Variants in SGCD observed in about 807,000 individuals in gnomAD.
The protein encoded by SGCD is delta-sarcoglycan.
In SGCD, 18 loss-of-function variants were observed where a neutral mutation model predicts 36.6. The observed-to-expected ratio is 0.49, with a 90% confidence interval of 0.34 to 0.73. The LOEUF is 0.73. Among genes scored for constraint, SGCD ranks in the 30% least tolerant of loss-of-function variants. SGCD has a pLI of 0.01. For missense variants in SGCD, 387 were observed against 346.7 expected (o/e 1.12, Z -0.92); for synonymous variants, 133 against 130.6 (o/e 1.02, Z -0.12).
chr5:156,249,237 A>G (rs1438028813), intron 3 of SGCD, among the ~76,000 whole-genome samples: 1 of 152,208 alleles, frequency 6.6e-6, no homozygotes, highest in African/African-American at 2.4e-5. Flanking sequence ...CAAACTTGTC[A>G]TGGTGAGAAG....
At chr5:156,741,828 C>A (rs1008723826) in intron 7 of SGCD, among the ~76,000 whole-genome samples, 2 of 151,852 alleles carry the variant, frequency 1.3e-5, no homozygotes, top group African/African-American at 4.8e-5. Flanking sequence ...CAAAAAGAGA[C>A]AGTGAGACAG....
chr5:155,747,798 A>G, the SGCD span, among the ~76,000 whole-genome samples: 1 of 152,282 alleles, frequency 6.6e-6, no homozygotes, highest in East Asian at 1.9e-4. Context: ...TGTCTTGGCC[A>G]AATGGCACCA....
At chr5:156,428,244 A>C (rs534510032) in intron 3 of SGCD, among the ~76,000 whole-genome samples, 86 of 152,198 alleles carry the variant, frequency 5.7e-4, no homozygotes, top group Admixed American at 1.5e-3. Flanking sequence ...AAGGGTATCT[A>C]ATTCTTCCTG....
At chr5:156,258,010 A>G (rs977605175) in intron 3 of SGCD, among the ~76,000 whole-genome samples, 6 of 152,192 alleles carry the variant, frequency 3.9e-5, no homozygotes, top group Admixed American at 6.5e-5. Context: ...AAGCTGAACC[A>G]GCTGGTTTTT....
the SGCD span, among the ~76,000 whole-genome samples, chr5:155,733,972 G>T: frequency 2.2e-4 from 33 of 151,576 alleles, no homozygotes; most frequent in Non-Finnish European, 1.8e-4. Context: ...TTTGCTATGT[G>T]CCAGGTTCCA....
intron 3 of SGCD, among the ~76,000 whole-genome samples, chr5:156,245,137 A>G (rs975551628): frequency 1.9e-4 from 29 of 152,196 alleles, no homozygotes; most frequent in Admixed American, 1.9e-3. Flanking sequence ...TTTAAATTAC[A>G]GAAAAAAGGA....
chr5:155,840,594 G>GTA, the SGCD span, among the ~76,000 whole-genome samples: 1 of 150,616 alleles, frequency 6.6e-6, no homozygotes, highest in East Asian at 2.0e-4. Flanking sequence ...CGGCTTGTGT[G>GTA]TGTGTGTGTG....
intron 4 of SGCD, among the ~76,000 whole-genome samples, chr5:156,567,252 C>A (rs1393936487): frequency 6.6e-6 from 1 of 150,606 alleles, no homozygotes; most frequent in Non-Finnish European, 1.5e-5. Context: ...AGTTAGTATT[C>A]TCCAGAGAAA....
At chr5:155,823,920 G>A in the SGCD span, among the ~76,000 whole-genome samples, 1 of 152,084 alleles carries the variant, frequency 6.6e-6, no homozygotes, top group Non-Finnish European at 1.5e-5. Flanking sequence ...TACCGCATGA[G>A]GACAGCTGGA....
At chr5:156,544,771 TAGTC>T (rs1758495188) in intron 4 of SGCD, among the ~76,000 whole-genome samples, 1 of 152,220 alleles carries the variant, frequency 6.6e-6, no homozygotes, top group Non-Finnish European at 1.5e-5. Flanking sequence ...GTAGCAATAA[TAGTC>T]ATTACTATTA....
chr5:155,731,878 C>T, the SGCD span, among the ~76,000 whole-genome samples: 2 of 152,176 alleles, frequency 1.3e-5, no homozygotes, highest in Non-Finnish European at 2.9e-5. Context: ...CTTTGATACA[C>T]GTGGTGTAGA....
the SGCD span, among the ~76,000 whole-genome samples, chr5:155,798,871 A>G: frequency 6.6e-6 from 1 of 152,316 alleles, no homozygotes; most frequent in South Asian, 2.1e-4. Flanking sequence ...ACTATGATAC[A>G]TATGTTCGTT....
Position 156,549,987 on chromosome 5 carries a change from C to T in SGCD, c.295-39244C>T, listed in dbSNP as rs138133909. Among the ~76,000 whole-genome samples the T allele has an allele frequency of 3.1e-3, 477 of 152,260 alleles. 3 individuals carry two copies. The highest frequency in any genetic ancestry group is 0.011 in the African/African-American group (457 of 41,540). On this transcript the variant is annotated intron_variant, in intron 4 of 8. Coordinates refer to ENST00000337851, the MANE Select transcript of SGCD (RefSeq NM_000337.6). ...GTATGGCTTTGCATACATAAACCCA[C>T]CCTGTTTTCATGTAAAGTGCCATGA...
At chr5:156,329,937 A>C (rs1443222715) in intron 2 of SGCD, among the ~76,000 whole-genome samples, 1 of 148,278 alleles carries the variant, frequency 6.7e-6, no homozygotes, top group African/African-American at 2.5e-5. Flanking sequence ...GAATGGCGTG[A>C]ACCCGGAAGG....
At chr5:155,994,859 T>A (rs958444889) in intron 1 of SGCD, among the ~76,000 whole-genome samples, 1 of 152,184 alleles carries the variant, frequency 6.6e-6, no homozygotes, top group Non-Finnish European at 1.5e-5. Context: ...GCGCTGAGCA[T>A]GTGGCTGGAT....
At chr5:156,620,905 G>C (rs1561819851) in intron 6 of SGCD, among the ~76,000 whole-genome samples, 1 of 152,118 alleles carries the variant, frequency 6.6e-6, no homozygotes, top group Non-Finnish European at 1.5e-5. Context: ...ATGGGAATGG[G>C]AATATTTAAT....
intron 7 of SGCD, among the ~76,000 whole-genome samples, chr5:156,669,043 G>A (rs1356555389): frequency 1.3e-5 from 2 of 152,150 alleles, no homozygotes; most frequent in Non-Finnish European, 2.9e-5. Context: ...TTGTCAAATG[G>A]CCCACATGGG....
chr5:155,834,610 C>T, the SGCD span, among the ~76,000 whole-genome samples: 1 of 152,144 alleles, frequency 6.6e-6, no homozygotes, highest in African/African-American at 2.4e-5. Flanking sequence ...GTGCTTGCCA[C>T]GTTTCACACA....
intron 3 of SGCD, among the ~76,000 whole-genome samples, chr5:156,213,441 A>G (rs1247462774): frequency 1.3e-5 from 2 of 152,054 alleles, no homozygotes; most frequent in Admixed American, 6.5e-5. Flanking sequence ...TGTGAACAGA[A>G]CAATAATGAG....
Sources: allele counts gnomAD v4.1 joint callset (sites outside exome capture counted in the v4.1 genomes callset), GRCh38; gene constraint gnomAD v4.1.1; transcripts MANE v1.5; gene names NCBI Gene and HGNC (gene_info 2026-07-23, HGNC 2026-07-21).